GTF3C6: variants seen among roughly 807,000 people sequenced by gnomAD.
The protein encoded by GTF3C6 is general transcription factor 3C polypeptide 6.
Under a neutral mutation model 19.2 loss-of-function variants are expected in GTF3C6, and 11 were observed. The ratio of observed to expected loss-of-function variants is 0.57; its 90% CI spans 0.36 to 0.95. The LOEUF (loss-of-function observed/expected upper bound fraction) is 0.95. Ranked by LOEUF, GTF3C6 falls within the 40% of genes least tolerant of loss-of-function variation. GTF3C6 has a pLI of 0.01. For missense variants in GTF3C6, 222 were observed against 254.7 expected, an observed-to-expected ratio of 0.87 and a Z score of 0.87; for synonymous variants, 87 against 84.2, an observed-to-expected ratio of 1.03 and a Z score of -0.18.
intron 5 of GTF3C6, 36 bp from the exon 6 acceptor site, chr6:110,967,474 T>C (rs1221788611): frequency 6.5e-7 from 1 of 1,542,224 alleles, no homozygotes; most frequent in Non-Finnish European, 8.7e-7. Context: ...ATTTTTTGTT[T>C]CTTTTTTTGT....
intron 5 of GTF3C6, 97 bp from the exon 6 acceptor site, chr6:110,967,413 C>T (rs2114262273): frequency 9.5e-7 from 1 of 1,055,664 alleles, no homozygotes. Flanking sequence ...TTCAGTTTGA[C>T]ATGTATTCAT....
chr6:110,966,117 C>G (rs1357276039), intron 5 of GTF3C6, among the ~76,000 whole-genome samples: 2 of 152,198 alleles, frequency 1.3e-5, no homozygotes, highest in African/African-American at 4.8e-5. Context: ...TGGCTTCTCT[C>G]AGATAAAGTA....
At position 110,958,856 on chromosome 6, in the gene GTF3C6, C is replaced by T. The variant is rs887304739; in HGVS notation, c.57+30C>T. On this transcript the variant is annotated intron_variant, in intron 1 of 5. Coordinates refer to ENST00000329970, the MANE Select transcript of GTF3C6 (RefSeq NM_138408.4). The stretch of plus-strand genomic sequence containing the variant: ...TAAGCGCTACGCCAAAAGCCTGCAC[C>T]GCAGTGGCGGTGATGCCTGTGCTGG... The T allele has an allele frequency of 3.2e-6, 5 of 1,547,674 alleles. No homozygotes were observed. In the East Asian group the frequency reaches 1.2e-4, roughly 38 times the overall value.
At chr6:110,962,080 CT>C (rs1284777988) in intron 4 of GTF3C6, among the ~76,000 whole-genome samples, 1 of 151,788 alleles carries the variant, frequency 6.6e-6, no homozygotes, top group Non-Finnish European at 1.5e-5. Context: ...TTTTTTGTAT[CT>C]TTAGTAGAGA....
intron 1 of GTF3C6, 26 bp downstream of exon 1, chr6:110,958,852 G>T: frequency 6.5e-7 from 1 of 1,549,338 alleles, no homozygotes; most frequent in Non-Finnish European, 8.7e-7. Context: ...CCAAAAGCCT[G>T]CACCGCAGTG....
At chr6:110,960,287 A>T in intron 2 of GTF3C6, 127 bp from the exon 3 acceptor site, 1 of 708,086 alleles carries the variant, frequency 1.4e-6, no homozygotes, top group Middle Eastern at 4.0e-4. Context: ...TTTATCCTGT[A>T]CTTGGTAGGA....
chr6:110,963,671 C>A (rs989631319), intron 5 of GTF3C6, among the ~76,000 whole-genome samples: 1 of 151,182 alleles, frequency 6.6e-6, no homozygotes, highest in Non-Finnish European at 1.5e-5. Flanking sequence ...GCTGCAGCAG[C>A]CTTCAACAGG....
chr6:110,964,475 C>T (rs1259723795), intron 5 of GTF3C6, among the ~76,000 whole-genome samples: 1 of 151,774 alleles, frequency 6.6e-6, no homozygotes, highest in Non-Finnish European at 1.5e-5. Context: ...GAACTGACTT[C>T]ATGATCTGCT....
At position 110,959,168 on chromosome 6, in the gene GTF3C6, CCAGGAG is replaced by C; in HGVS notation, c.58_63del (p.Glu20_Gln21del). ...AGCATGTTAACCCCTCTTTCTTTCA[CCAGGAG>C]CAGTTGGTTCTGGTGGAATTATCAG... On this transcript the variant is annotated splice_acceptor_variant and splice_polypyrimidine_tract_variant and coding_sequence_variant and intron_variant, in exon 2 of 6. Coordinates refer to ENST00000329970, the MANE Select transcript of GTF3C6 (RefSeq NM_138408.4). LOFTEE classifies it high-confidence loss of function. 3.1e-6 allele frequency: 5 copies of C among 1,605,522 alleles called. No individual in the cohort carries two copies. The highest frequency in any genetic ancestry group is 4.3e-6 in the Non-Finnish European group (5 of 1,172,326).
Position 110,967,845 on chromosome 6 carries a change from G to A in GTF3C6, c.*55G>A. 2 of 1,448,382 alleles carry A rather than the reference G, an allele frequency of 1.4e-6. No individual in the cohort carries two copies. The highest frequency in any genetic ancestry group is 1.9e-6 in the Non-Finnish European group (2 of 1,067,658). 89.7% of individuals were successfully genotyped at this position (1,448,382 alleles called of 1,614,324 possible). A position where few individuals can be genotyped will look rare whatever the true frequency, so the allele number is the denominator to read the frequency against. Reference sequence around the variant, plus strand: ...AATAACTTGTCAAGAACTTTTTAGAGTTGTTACATAAAAATAATTGCTGTG... The same window carrying A: ...AATAACTTGTCAAGAACTTTTTAGAATTGTTACATAAAAATAATTGCTGTG... On this transcript the variant is annotated 3_prime_UTR_variant, in exon 6 of 6. Transcript: ENST00000329970.
chr6:110,959,971 A>AAAT lies in GTF3C6; in HGVS notation c.139-428_139-426dup, dbSNP rs1554244839. Among the ~76,000 whole-genome samples, 955 of 151,480 alleles carry AAAT rather than the reference A, an allele frequency of 6.3e-3. 39 individuals carry two copies. The highest frequency in any genetic ancestry group is 0.058 in the Admixed American group (887 of 15,190). ...AAAACTCCATCTCAATAAAAAAAAAAAATAATAATAATAATAAATTAGCTG... is the reference window on the plus strand; with the variant it reads ...AAAACTCCATCTCAATAAAAAAAAAAAATAATAATAATAATAATAAATTAGCTG... On this transcript the variant is annotated intron_variant, in intron 2 of 5. Coordinates refer to ENST00000329970, the MANE Select transcript of GTF3C6 (RefSeq NM_138408.4).
chr6:110,960,377 TTA>T, intron 2 of GTF3C6, 35 bp from the exon 3 acceptor site: 2 of 1,501,774 alleles, frequency 1.3e-6, no homozygotes, highest in Non-Finnish European at 1.8e-6. Flanking sequence ...CTTTTTCTAA[TTA>T]TGTTTTTTTT....
In GTF3C6 at chr6:110,960,418, T is replaced by C; in HGVS notation, c.143T>C (p.Ile48Thr). The change falls in exon 3 of 6, where the codon ATT becomes ACT. Residue 48 changes from isoleucine to threonine, a missense_variant. Transcript: ENST00000329970. ...TGATCCTTTATTCTGTTGTAGGGCA[T>C]TGACACTGAGAGGCCCATTCTGCAA... ...KCENKCKVLG[I>T]DTERPILQVD... 1.2e-6 allele frequency: 2 copies of C among 1,612,538 alleles called. No homozygotes were observed. The highest frequency in any genetic ancestry group is 1.7e-6 in the Non-Finnish European group (2 of 1,179,112).
intron 5 of GTF3C6, among the ~76,000 whole-genome samples, chr6:110,966,978 ATT>A (rs1771237861): frequency 6.6e-6 from 1 of 151,954 alleles, no homozygotes; most frequent in African/African-American, 2.4e-5. Context: ...ACATAGTGAA[ATT>A]CCGTCTCTAT....
At chr6:110,959,041 A>T (rs1771123588) in intron 1 of GTF3C6, 131 bp from the exon 2 acceptor site, 13 of 845,010 alleles carry the variant, frequency 1.5e-5, no homozygotes, top group Non-Finnish European at 2.4e-5. Context: ...AAGTTACCTT[A>T]GGTAGCGTAG....
At chr6:110,964,797 A>G (rs1583248259) in intron 5 of GTF3C6, among the ~76,000 whole-genome samples, 1 of 149,178 alleles carries the variant, frequency 6.7e-6, no homozygotes, top group African/African-American at 2.5e-5. Flanking sequence ...GCCCACCACC[A>G]CGCCCGGCTA....
intron 1 of GTF3C6, 44 bp from the exon 2 acceptor site, chr6:110,959,128 G>C: frequency 1.4e-6 from 2 of 1,391,672 alleles, no homozygotes; most frequent in Non-Finnish European, 1.0e-6. Flanking sequence ...GCTCCCTCTT[G>C]GCCGCTCGCG....
At chr6:110,958,932 C>T in intron 1 of GTF3C6, 106 bp downstream of exon 1, 2 of 1,272,210 alleles carry the variant, frequency 1.6e-6, no homozygotes, top group South Asian at 1.4e-5. Context: ...GGAGGCCCCA[C>T]TGCTCCTCAC....
At position 110,958,807 on chromosome 6, in the gene GTF3C6, G is replaced by T; in HGVS notation, c.38G>T (p.Gly13Val). The T allele has an allele frequency of 6.4e-7, 1 of 1,551,246 alleles. No homozygotes were observed. Among genetic ancestry groups the T allele is most frequent in the Non-Finnish European group, 8.7e-7 (1 of 1,146,960 alleles). ...GCGGACGAGCGGAGTCCAGAGGACGGAGAAGACGAGGAAGAGGAGGTAGTA... is the reference window on the plus strand; with the variant it reads ...GCGGACGAGCGGAGTCCAGAGGACGTAGAAGACGAGGAAGAGGAGGTAGTA... ...AAADERSPED[G>V]EDEEEEEQLV... The change falls in exon 1 of 6, where the codon GGA (glycine) becomes GTA (valine). Residue 13 changes from glycine to valine, a missense_variant. Transcript: ENST00000329970.
Sources: gnomAD v4.1 joint callset for allele counts (sites outside exome capture counted in the v4.1 genomes callset) on GRCh38, gnomAD v4.1.1 for gene constraint, MANE v1.5 for transcripts, NCBI Gene and HGNC (gene_info 2026-07-23, HGNC 2026-07-21) for gene names.